The following SH3PXD2A variants were observed in gnomAD, a reference collection of about 807,000 sequenced individuals.
The protein encoded by SH3PXD2A is SH3 and PX domains 2A, also known as SH3 and PX domain-containing protein 2A.
Under a neutral mutation model 115.2 loss-of-function variants are expected in SH3PXD2A, and 32 were observed. The ratio of observed to expected loss-of-function variants is 0.28; its 90% CI spans 0.21 to 0.37. SH3PXD2A has a LOEUF of 0.37. Ranked by LOEUF, SH3PXD2A falls within the 10% of genes least tolerant of loss-of-function variation. SH3PXD2A has a pLI of 1.00. For missense variants in SH3PXD2A, 1,328 were observed against 1,498.7 expected (o/e 0.89, Z 1.88); for synonymous variants, 610 against 629.1 (o/e 0.97, Z 0.45).
chr10:103,598,752 C>T lies in SH3PXD2A; in HGVS notation c.*3064G>A, dbSNP rs1331935860. On this transcript the variant is annotated 3_prime_UTR_variant, in exon 15 of 15. Coordinates refer to ENST00000369774, the MANE Select transcript of SH3PXD2A (RefSeq NM_001394015.1). ...CAGCTCAGTAGCTCAAGGGAAAGGC[C>T]CTCTCGCCCTGGCTAGGGCTAGGAG... 6.5e-6 allele frequency: 1 copy of T among 152,680 alleles called. No homozygotes were observed. The highest frequency in any genetic ancestry group is 2.4e-5 in the African/African-American group (1 of 41,460). The allele number at this position is 152,680 out of a possible 1,614,324, so 9.5% of individuals were successfully genotyped here.
At chr10:103,794,925 G>A (rs564897695) in intron 2 of SH3PXD2A, among the ~76,000 whole-genome samples, 1 of 152,326 alleles carries the variant, frequency 6.6e-6, no homozygotes, top group South Asian at 2.1e-4. Context: ...CTGTGCAGGA[G>A]AATAATCTCC....
At chr10:103,686,353 C>G (rs1171858893) in intron 6 of SH3PXD2A, among the ~76,000 whole-genome samples, 1 of 152,200 alleles carries the variant, frequency 6.6e-6, no homozygotes, top group Non-Finnish European at 1.5e-5. Flanking sequence ...CCTGTGCCCC[C>G]TAGTGGCGCA....
intron 5 of SH3PXD2A, among the ~76,000 whole-genome samples, chr10:103,701,231 GCCATCCATCAT>G (rs1279852760): frequency 1.8e-5 from 2 of 109,592 alleles, no homozygotes; most frequent in Non-Finnish European, 3.6e-5. Flanking sequence ...CTACCATCCA[GCCATCCATCAT>G]CCATCCATCA....
rs77973530 is a variant in SH3PXD2A at position 103,698,059 on chromosome 10, C to T, written c.399-5003G>A. On this transcript the variant is annotated intron_variant, in intron 5 of 14. Transcript: ENST00000369774. ...GACCCACAATGCTCCAAAGGGGCCA[C>T]GCTGAGGCCCACTAGGGATTTGGCC... Among the ~76,000 whole-genome samples, 262 of 152,340 alleles carry T rather than the reference C, an allele frequency of 1.7e-3. 4 individuals are homozygous for T. The East Asian group carries it at 0.042, about 24-fold the overall frequency.
At position 103,830,005 on chromosome 10, in the gene SH3PXD2A, C is replaced by G. The variant is rs187119585; in HGVS notation, c.72+25190G>C. Among the ~76,000 whole-genome samples, 115 of 152,334 alleles carry G rather than the reference C, an allele frequency of 7.5e-4. No individual in the cohort carries two copies. In the East Asian group the frequency reaches 0.016, roughly 21 times the overall value. ...TGGGGAAGGTCTGCAGCTCCACCCC[C>G]ACCCCAGGTAGACTCAGGTGAAGCA... On this transcript the variant is annotated intron_variant, in intron 1 of 14. Transcript: ENST00000369774.
chr10:103,707,496 T>C (rs2037995909), intron 5 of SH3PXD2A, among the ~76,000 whole-genome samples: 1 of 151,948 alleles, frequency 6.6e-6, no homozygotes, highest in Admixed American at 6.6e-5. Context: ...CGCCAGGCTG[T>C]ATTTCAATAT....
intron 13 of SH3PXD2A, among the ~76,000 whole-genome samples, chr10:103,610,739 C>A (rs61151381): frequency 6.6e-6 from 1 of 152,066 alleles, no homozygotes; most frequent in Non-Finnish European, 1.5e-5. Flanking sequence ...GCTAGCCCCC[C>A]ACATAAATCA....
intron 5 of SH3PXD2A, among the ~76,000 whole-genome samples, chr10:103,714,491 T>C (rs1194577076): frequency 1.3e-5 from 2 of 152,144 alleles, no homozygotes; most frequent in African/African-American, 4.8e-5. Flanking sequence ...GGTGTTTGAA[T>C]CTGCTTCCCT....
At position 103,846,105 on chromosome 10, in the gene SH3PXD2A, G is replaced by A. The variant is rs183917876; in HGVS notation, c.72+9090C>T. On this transcript the variant is annotated intron_variant, in intron 1 of 14. Transcript: ENST00000369774. ...CCCACTGCATAATTTATGCTGCATTGACACACACACACAGAGTCTACCCCG... is the reference window on the plus strand; with the variant it reads ...CCCACTGCATAATTTATGCTGCATTAACACACACACACAGAGTCTACCCCG... Among the ~76,000 whole-genome samples, 1,213 of 152,132 alleles carry A rather than the reference G, an allele frequency of 8.0e-3. 20 individuals carry two copies. The highest frequency in any genetic ancestry group is 0.028 in the African/African-American group (1,169 of 41,550).
chr10:103,820,753 C>T (rs2039371592), intron 1 of SH3PXD2A, among the ~76,000 whole-genome samples: 1 of 152,188 alleles, frequency 6.6e-6, no homozygotes, highest in Admixed American at 6.5e-5. Flanking sequence ...GGGCGCCCCT[C>T]CCAGCCATGT....
intron 2 of SH3PXD2A, among the ~76,000 whole-genome samples, chr10:103,783,519 C>T (rs2038952686): frequency 6.6e-6 from 1 of 152,168 alleles, no homozygotes; most frequent in South Asian, 2.1e-4. Flanking sequence ...TGGGACATGA[C>T]TGGCCAGGTG....
chr10:103,623,769 C>T (rs2036647056), intron 9 of SH3PXD2A, among the ~76,000 whole-genome samples: 1 of 152,212 alleles, frequency 6.6e-6, no homozygotes. Flanking sequence ...TGGCATGAGC[C>T]TAGACAAGGG....
chr10:103,654,278 G>C (rs924596484), intron 8 of SH3PXD2A, among the ~76,000 whole-genome samples: 5 of 152,182 alleles, frequency 3.3e-5, no homozygotes, highest in Non-Finnish European at 5.9e-5. Context: ...AAGAACTCCA[G>C]GGGAGTGAGT....
chr10:103,800,980 G>A (rs1028449374), intron 2 of SH3PXD2A, among the ~76,000 whole-genome samples: 14 of 152,178 alleles, frequency 9.2e-5, no homozygotes, highest in African/African-American at 3.4e-4. Context: ...CAGGCACACA[G>A]CACCTCCCAC....
intron 11 of SH3PXD2A, among the ~76,000 whole-genome samples, chr10:103,613,438 T>G (rs1444902233): frequency 6.6e-6 from 1 of 152,248 alleles, no homozygotes; most frequent in Non-Finnish European, 1.5e-5. Flanking sequence ...GGGTGGGCTC[T>G]CATGTTCTGC....
chr10:103,705,553 T>A (rs1033717831), intron 5 of SH3PXD2A, among the ~76,000 whole-genome samples: 4 of 152,124 alleles, frequency 2.6e-5, no homozygotes, highest in Admixed American at 2.6e-4. Context: ...ATTTTACAGA[T>A]GAGAAATGGA....
chr10:103,640,388 T>C (rs921387603), intron 8 of SH3PXD2A, among the ~76,000 whole-genome samples: 1 of 151,586 alleles, frequency 6.6e-6, no homozygotes, highest in Admixed American at 6.6e-5. Flanking sequence ...AGGAGGGGTC[T>C]CCTGGGCTCC....
chr10:103,609,580 T>C (rs1228542442), intron 13 of SH3PXD2A: 2 of 152,194 alleles, frequency 1.3e-5, no homozygotes, highest in African/African-American at 4.8e-5. Context: ...ATTTAACAAC[T>C]GTTTGTTGTG....
chr10:103,777,888 C>A (rs557572490), intron 2 of SH3PXD2A, among the ~76,000 whole-genome samples: 1 of 152,148 alleles, frequency 6.6e-6, no homozygotes, highest in Non-Finnish European at 1.5e-5. Flanking sequence ...TGTCTCCACA[C>A]GTGTTGTGAG....
Sources: allele counts gnomAD v4.1 joint callset (sites outside exome capture counted in the v4.1 genomes callset), GRCh38; gene constraint gnomAD v4.1.1; transcripts MANE v1.5; gene names NCBI Gene and HGNC (gene_info 2026-07-23, HGNC 2026-07-21).